LTA4H: variants seen among roughly 807,000 people sequenced by gnomAD.
LTA4H encodes the protein leukotriene A4 hydrolase.
A neutral mutation model predicts 89.8 loss-of-function variants in LTA4H; 59 were observed. That is an observed-to-expected ratio of 0.66 (90% confidence interval 0.53 to 0.82). The LOEUF (loss-of-function observed/expected upper bound fraction) is 0.82. Ranked by LOEUF, LTA4H falls within the 40% of genes least tolerant of loss-of-function variation. The pLI, the probability that LTA4H is intolerant of heterozygous loss-of-function variation, is 0.00. For missense variants in LTA4H, 617 were observed against 727.0 expected (o/e 0.85, Z 1.74); for synonymous variants, 227 against 253.1 (o/e 0.90, Z 0.98).
Position 96,013,838 on chromosome 12 carries a change from A to G in LTA4H, c.1220T>C (p.Phe407Ser). Reference protein sequence around the residue: ...LLGGPEIFLGFLKAYVEKFSY... With the variant: ...LLGGPEIFLGSLKAYVEKFSY... ...AAACTTCTCAACATAAGCTTTTAAGAATCCTAGGAAAATCTCTAAGAGTAA... is the reference window on the plus strand; with the variant it reads ...AAACTTCTCAACATAAGCTTTTAAGGATCCTAGGAAAATCTCTAAGAGTAA... Residue 407 changes from phenylalanine (F) to serine (S), a missense_variant, in exon 13 of 19, where the codon TTC (phenylalanine) becomes TCC (serine). Phe to Ser is a radical substitution (Grantham distance 155, BLOSUM62 -2). Coordinates refer to ENST00000228740, the MANE Select transcript of LTA4H (RefSeq NM_000895.3). The G allele has an allele frequency of 6.7e-7, 1 of 1,492,600 alleles. No individual in the cohort carries two copies. The highest frequency in any genetic ancestry group is 9.2e-7 in the Non-Finnish European group (1 of 1,084,598). The allele number at this position is 1,492,600 out of a possible 1,614,324, so 92.5% of individuals were successfully genotyped here.
chr12:96,036,460 A>G (rs542446162), upstream of LTA4H, among the ~76,000 whole-genome samples: 199 of 152,322 alleles, frequency 1.3e-3, no homozygotes, highest in African/African-American at 4.6e-3. Context: ...GACCCACTGA[A>G]GAGTTTTCAG....
chr12:96,035,254 G>T, intron 1 of LTA4H, 107 bp downstream of exon 1: 3 of 1,207,296 alleles, frequency 2.5e-6, no homozygotes, highest in Non-Finnish European at 3.4e-6. Context: ...GTGGGGCTAG[G>T]CAGGGGCCGC....
upstream of LTA4H, among the ~76,000 whole-genome samples, chr12:96,036,686 C>T (rs1372600567): frequency 6.6e-6 from 1 of 152,170 alleles, no homozygotes; most frequent in African/African-American, 2.4e-5. Flanking sequence ...GTGGCCCAGG[C>T]TTTCGGCTTC....
chr12:96,021,040 A>G (rs1203464305), intron 6 of LTA4H, 45 bp downstream of exon 6: 1 of 1,529,518 alleles, frequency 6.5e-7, no homozygotes, highest in Non-Finnish European at 8.9e-7. Context: ...AAGATGCCTA[A>G]GTTTTGATCT....
At chr12:96,034,371 C>T (rs1443210465) in intron 1 of LTA4H, among the ~76,000 whole-genome samples, 1 of 152,124 alleles carries the variant, frequency 6.6e-6, no homozygotes, top group Non-Finnish European at 1.5e-5. Context: ...GCAATTTGAG[C>T]AAGAACATTA....
At chr12:96,033,114 AT>A (rs1434457471) in intron 1 of LTA4H, among the ~76,000 whole-genome samples, 2 of 152,190 alleles carry the variant, frequency 1.3e-5, no homozygotes, top group Non-Finnish European at 2.9e-5. Context: ...CAAATAATAA[AT>A]TTTTTAAGTT....
rs1288294844 is a variant in LTA4H, at chr12:96,022,223, A to C, written c.509T>G (p.Leu170Arg). Residue 170 changes from leucine (L) to arginine (R), a missense_variant, in exon 5 of 19, where the codon CTT (leucine) becomes CGT (arginine). Leu to Arg is a moderately radical substitution (Grantham distance 102). Transcript: ENST00000228740. This position sits in a 1 kb window ranked among gnomAD's most constrained non-coding sequence, Gnocchi z 4.0. ...TTCTCCATCACGAATAGCACTCATA[A>C]GTGCCACCAGTTCTTTAGGGACAGA... ...EVSVPKELVA[L>R]MSAIRDGETP... 6.2e-7 allele frequency: 1 copy of C among 1,613,520 alleles called. No homozygotes were observed. Among genetic ancestry groups the C allele is most frequent in the Non-Finnish European group, 8.5e-7 (1 of 1,179,516 alleles).
chr12:96,035,776 C>A, upstream of LTA4H: 2 of 688,102 alleles, frequency 2.9e-6, no homozygotes, highest in African/African-American at 1.8e-5. Flanking sequence ...TGAGGGGGAC[C>A]AAGCGTGCTC....
chr12:96,013,979 G>A (rs1346582667), intron 12 of LTA4H, 126 bp from the exon 13 acceptor site: 2 of 558,226 alleles, frequency 3.6e-6, no homozygotes, highest in Admixed American at 7.3e-5. Context: ...GGAAATCTAC[G>A]AGGACTTTCA....
chr12:96,004,181 C>T (rs1396755439), intron 16 of LTA4H, among the ~76,000 whole-genome samples: 2 of 152,126 alleles, frequency 1.3e-5, no homozygotes, highest in African/African-American at 4.8e-5. Flanking sequence ...TCTTCTTAGA[C>T]TTTTTAGCAT....
upstream of LTA4H, among the ~76,000 whole-genome samples, chr12:96,039,836 G>A (rs765634426): frequency 6.6e-5 from 10 of 152,202 alleles, no homozygotes; most frequent in Non-Finnish European, 1.5e-4. Context: ...TGAAATAGTC[G>A]ATGTAATTTG....
intron 8 of LTA4H, among the ~76,000 whole-genome samples, chr12:96,017,910 C>A (rs770777862): frequency 2.0e-5 from 3 of 152,058 alleles, no homozygotes; most frequent in Admixed American, 6.6e-5. Context: ...TCTCCTATTA[C>A]CCAAAATATA....
chr12:96,036,841 A>G (rs1028160727), upstream of LTA4H, among the ~76,000 whole-genome samples: 1 of 152,244 alleles, frequency 6.6e-6, no homozygotes, highest in Non-Finnish European at 1.5e-5. Context: ...TACAGGAAGC[A>G]TAGCTCCAGT....
intron 1 of LTA4H, among the ~76,000 whole-genome samples, chr12:96,030,619 C>A (rs923643985): frequency 6.6e-6 from 1 of 152,220 alleles, no homozygotes; most frequent in Non-Finnish European, 1.5e-5. Flanking sequence ...ACAATGTCTT[C>A]ATACTTTTCC....
intron 18 of LTA4H, among the ~76,000 whole-genome samples, chr12:96,001,874 A>T (rs1229205103): frequency 2.6e-5 from 4 of 151,540 alleles, no homozygotes; most frequent in African/African-American, 9.7e-5. Context: ...TTTGAGACAG[A>T]GTCTCGCACT....
chr12:96,001,589 T>C (rs1950104442), intron 18 of LTA4H, among the ~76,000 whole-genome samples: 2 of 152,304 alleles, frequency 1.3e-5, no homozygotes, highest in South Asian at 2.1e-4. Flanking sequence ...AAAAAATTTT[T>C]TAATCAAGAT....
chr12:96,017,313 C>T (rs1429812857), intron 9 of LTA4H, among the ~76,000 whole-genome samples, 199 bp from the exon 10 acceptor site: 1 of 151,784 alleles, frequency 6.6e-6, no homozygotes, highest in Non-Finnish European at 1.5e-5. Flanking sequence ...AATTAGAAAA[C>T]AAAAATTACT....
At chr12:96,036,096 C>T (rs542407755), upstream of LTA4H, among the ~76,000 whole-genome samples, 21 of 150,394 alleles carry the variant, frequency 1.4e-4, no homozygotes, top group South Asian at 6.5e-4. Flanking sequence ...CGGGGAGGCA[C>T]AGTAATTGTT....
upstream of LTA4H, chr12:96,035,764 G>T: frequency 2.2e-6 from 2 of 897,656 alleles, no homozygotes; most frequent in Non-Finnish European, 3.1e-6. Flanking sequence ...TGTTAGGGAT[G>T]TTGAGGGGGA....
Sources: allele counts gnomAD v4.1 joint callset (sites outside exome capture counted in the v4.1 genomes callset), GRCh38; gene constraint gnomAD v4.1.1; non-coding constraint Gnocchi (gnomAD v3.1); transcripts MANE v1.5; gene names NCBI Gene and HGNC (gene_info 2026-07-23, HGNC 2026-07-21).